DLGAP2: variants seen among roughly 807,000 people sequenced by gnomAD.
The protein encoded by DLGAP2 is DLG associated protein 2.
DLGAP2 carries 26 observed loss-of-function variants against 100.3 expected under a neutral mutation model. The ratio of observed to expected loss-of-function variants is 0.26; its 90% confidence interval spans 0.19 to 0.36. DLGAP2 has a LOEUF of 0.36. Ranked by LOEUF, DLGAP2 falls within the 10% of genes least tolerant of loss-of-function variation. The pLI is 1.00. For synonymous variants in DLGAP2, 886 were observed against 630.1 expected, an observed-to-expected ratio of 1.41 and a Z score of -6.08; for missense variants, 1,858 against 1,453.2, an observed-to-expected ratio of 1.28 and a Z score of -4.53.
chr8:1,181,460 A>G (rs1204282991), intron 2 of DLGAP2, among the ~76,000 whole-genome samples: 1 of 152,194 alleles, frequency 6.6e-6, no homozygotes, highest in East Asian at 1.9e-4. Context: ...TAGTGGCTGC[A>G]TAGTATTCTC....
intron 4 of DLGAP2, among the ~76,000 whole-genome samples, chr8:1,522,788 G>C (rs1023982550): frequency 2.0e-5 from 3 of 152,142 alleles, no homozygotes; most frequent in Non-Finnish European, 2.9e-5. Context: ...AATGAATCAG[G>C]TTAATTAGCA....
Position 1,071,361 on chromosome 8 carries a change from G to A in DLGAP2, c.73+163395G>A, listed in dbSNP as rs78969940. Among the ~76,000 whole-genome samples, 717 of 152,260 alleles carry A rather than the reference G, an allele frequency of 4.7e-3. 7 individuals carry two copies. The highest frequency in any genetic ancestry group is 0.016 in the African/African-American group (683 of 41,544). ...TCCACGGTGCTTGACTTTCAAGGGT[G>A]GCTTCCTGGATGACTCCCCTCCCTC... On this transcript the variant is annotated intron_variant, in intron 2 of 14. Coordinates refer to ENST00000637795, the MANE Select transcript of DLGAP2 (RefSeq NM_001346810.2).
intron 3 of DLGAP2, among the ~76,000 whole-genome samples, chr8:1,378,318 C>G (rs931031346): frequency 6.6e-6 from 1 of 151,642 alleles, no homozygotes; most frequent in African/African-American, 2.4e-5. Context: ...GCACACCTGA[C>G]TTCACCTGTC....
At chr8:1,417,500 C>T (rs1053202800) in intron 3 of DLGAP2, among the ~76,000 whole-genome samples, 1 of 152,322 alleles carries the variant, frequency 6.6e-6, no homozygotes, top group Non-Finnish European at 1.5e-5. Flanking sequence ...CCACGGGGCT[C>T]ACCAGGGCAG....
chr8:983,899 C>A (rs1052611844), intron 2 of DLGAP2, among the ~76,000 whole-genome samples: 3 of 152,162 alleles, frequency 2.0e-5, no homozygotes, highest in African/African-American at 4.8e-5. Flanking sequence ...CTTGGGCTCC[C>A]AAAGTGCTGG....
At chr8:1,515,974 G>A (rs1800358345) in intron 4 of DLGAP2, among the ~76,000 whole-genome samples, 1 of 152,088 alleles carries the variant, frequency 6.6e-6, no homozygotes, top group Admixed American at 6.6e-5. Context: ...TGAATGACTG[G>A]ATGAGTGACT....
chr8:1,165,873 C>G (rs1044506215), intron 2 of DLGAP2, among the ~76,000 whole-genome samples: 2 of 152,038 alleles, frequency 1.3e-5, no homozygotes, highest in South Asian at 2.1e-4. Flanking sequence ...AAAAAACATT[C>G]AGGGAGGCTT....
At chr8:981,942 T>C (rs1334983518) in intron 2 of DLGAP2, among the ~76,000 whole-genome samples, 1 of 152,224 alleles carries the variant, frequency 6.6e-6, no homozygotes, top group African/African-American at 2.4e-5. Context: ...TCTTCCTTGT[T>C]TTCTGCTGTT....
chr8:825,564 G>A (rs979996847), intron 1 of DLGAP2, among the ~76,000 whole-genome samples: 1 of 152,118 alleles, frequency 6.6e-6, no homozygotes, highest in Admixed American at 6.5e-5. Context: ...TATCTCTAAC[G>A]ACATCATCCC....
At chr8:982,679 C>G (rs1800369789) in intron 2 of DLGAP2, among the ~76,000 whole-genome samples, 1 of 152,094 alleles carries the variant, frequency 6.6e-6, no homozygotes, top group African/African-American at 2.4e-5. Context: ...TGAGCAAATT[C>G]TTGGATTTGT....
At chr8:1,042,321 C>T (rs189445220) in intron 2 of DLGAP2, among the ~76,000 whole-genome samples, 25 of 152,336 alleles carry the variant, frequency 1.6e-4, no homozygotes, top group Admixed American at 5.2e-4. Flanking sequence ...AAATCAACAA[C>T]GTGCCTAGTA....
chr8:894,347 C>T (rs74196519), intron 1 of DLGAP2, among the ~76,000 whole-genome samples: 19,595 of 152,106 alleles, frequency 0.13, 1,398 homozygotes, highest in East Asian at 0.29. Flanking sequence ...CCCTCTGATG[C>T]GTTCACAGCA....
chr8:1,373,270 G>A (rs1203963350), intron 3 of DLGAP2, among the ~76,000 whole-genome samples: 3 of 151,900 alleles, frequency 2.0e-5, no homozygotes, highest in Admixed American at 6.6e-5. Context: ...GCCGCCACGC[G>A]CGTGCGGCCC....
At chr8:1,255,648 CGGGCGCTGTGTGTGTGTCGTCTCCTGCCT>C (rs1799185253) in intron 2 of DLGAP2, among the ~76,000 whole-genome samples, 1 of 116,764 alleles carries the variant, frequency 8.6e-6, no homozygotes, top group African/African-American at 3.2e-5. Context: ...TCATCCTGCC[CGGGCGCTGTGTGTGTGTCGTCTCCTGCCT>C]GGGAGCTGTG....
chr8:949,984 C>G (rs922555038), intron 2 of DLGAP2, among the ~76,000 whole-genome samples: 5 of 152,182 alleles, frequency 3.3e-5, no homozygotes, highest in African/African-American at 1.2e-4. Flanking sequence ...CAAAGCGAGG[C>G]ACACACACAA....
chr8:1,443,799 G>A (rs1038450073), intron 3 of DLGAP2, among the ~76,000 whole-genome samples: 2 of 152,140 alleles, frequency 1.3e-5, no homozygotes, highest in Non-Finnish European at 2.9e-5. Flanking sequence ...CCCTTGACAC[G>A]TGGGGATTAT....
At chr8:930,628 C>T (rs969764028) in intron 2 of DLGAP2, among the ~76,000 whole-genome samples, 3 of 152,164 alleles carry the variant, frequency 2.0e-5, no homozygotes, top group African/African-American at 7.2e-5. Context: ...CTGGGCTTGC[C>T]GCCACGTTGG....
intron 6 of DLGAP2, among the ~76,000 whole-genome samples, chr8:1,596,094 C>G (rs904223964): frequency 1.4e-5 from 2 of 143,862 alleles, no homozygotes; most frequent in African/African-American, 5.1e-5. Context: ...CATCGTTCAT[C>G]TCCCACTTAT....
At chr8:1,176,528 C>T (rs960669290) in intron 2 of DLGAP2, among the ~76,000 whole-genome samples, 8 of 152,246 alleles carry the variant, frequency 5.3e-5, no homozygotes, top group Non-Finnish European at 2.9e-5. Context: ...GCCCTCACAG[C>T]CGCCCTGTGA....
Sources: gnomAD v4.1 joint callset for allele counts (sites outside exome capture counted in the v4.1 genomes callset) on GRCh38, gnomAD v4.1.1 for gene constraint, MANE v1.5 for transcripts, NCBI Gene and HGNC (gene_info 2026-07-23, HGNC 2026-07-21) for gene names.